MICALL1: variants seen among roughly 807,000 people sequenced by gnomAD.
The protein encoded by MICALL1 is MICAL-like protein 1.
MICALL1 carries 61 observed loss-of-function variants against 83.7 expected under a neutral mutation model. The ratio of observed to expected loss-of-function variants is 0.73; its 90% CI spans 0.59 to 0.90. The LOEUF is 0.90. Among genes scored for constraint, MICALL1 ranks in the 40% least tolerant of loss-of-function variants. The probability of loss-of-function intolerance (pLI) is 0.00; values close to 1 mark genes in which losing one functional copy is unlikely to be tolerated. For missense variants in MICALL1, 1,066 were observed against 1,152.0 expected (o/e 0.93, Z 1.08); for synonymous variants, 481 against 473.6 (o/e 1.02, Z -0.20).
chr22:37,924,825 G>T lies in MICALL1; in HGVS notation c.1082+108G>T. The T allele has an allele frequency of 1.3e-5, 14 of 1,075,556 alleles. No homozygotes were observed. The highest frequency in any genetic ancestry group is 1.9e-5 in the Non-Finnish European group (14 of 737,466). The allele number at this position is 1,075,556 out of a possible 1,614,324, so 66.6% of individuals were successfully genotyped here. ...AGGCTTCCTGTGGATGGGCAGGGCG[G>T]GGCTCAGGAGGGGAAGGAGAGCTGG... On this transcript the variant is annotated intron_variant, in intron 7 of 15. Coordinates refer to ENST00000215957, the MANE Select transcript of MICALL1 (RefSeq NM_033386.4). This position sits in a 1 kb window ranked among gnomAD's most constrained non-coding sequence, Gnocchi z 5.2.
At chr22:37,935,727 T>C (rs1261216336) in intron 13 of MICALL1, among the ~76,000 whole-genome samples, 2 of 146,904 alleles carry the variant, frequency 1.4e-5, no homozygotes, top group African/African-American at 5.1e-5. Flanking sequence ...TAAGGATATT[T>C]ACTTTTTTTT....
intron 15 of MICALL1, among the ~76,000 whole-genome samples, chr22:37,940,067 C>T (rs986640702): frequency 6.6e-6 from 1 of 151,742 alleles, no homozygotes; most frequent in Non-Finnish European, 1.5e-5. Flanking sequence ...CCAGCCTGGG[C>T]GACAGAGACT....
rs1229995361 is a variant in MICALL1 at position 37,924,109 on chromosome 22, C to A, written c.1025-551C>A. Among the ~76,000 whole-genome samples, 1 of 152,144 alleles carries A rather than the reference C, an allele frequency of 6.6e-6. No individual in the cohort carries two copies. ...CGGGGAGAGAGACTCCCAGGGTCAC[C>A]CTGCGACTTGCACCAGAACATTCTA... is the stretch of plus-strand genomic sequence containing the variant. On this transcript the variant is annotated intron_variant, in intron 6 of 15. Coordinates refer to ENST00000215957, the MANE Select transcript of MICALL1 (RefSeq NM_033386.4). This position sits in a 1 kb window ranked among gnomAD's most constrained non-coding sequence, Gnocchi z 5.2.
rs1929800891 is a variant in MICALL1 at position 37,931,798 on chromosome 22, GTCC to G, written c.1886_1888del (p.Ser629del). 1 of 1,613,984 alleles carries G rather than the reference GTCC, an allele frequency of 6.2e-7. No individual in the cohort carries two copies. ...CCTCTGTCATGTCTCCTTCCCTTTA[GTCC>G]TCCTGCAAGGAGAATCCTTTTAACC... is the stretch of plus-strand genomic sequence containing the variant. On this transcript the variant is annotated inframe_deletion and splice_region_variant, in exon 10 of 16. Transcript: ENST00000215957.
At chr22:37,917,576 T>C in intron 3 of MICALL1, 131 bp from the exon 4 acceptor site, 1 of 766,980 alleles carries the variant, frequency 1.3e-6, no homozygotes, top group South Asian at 1.6e-5. Context: ...GGGAGCCAGC[T>C]CCTGTCCCAC....
At chr22:37,915,511 C>T (rs915586926) in intron 3 of MICALL1, among the ~76,000 whole-genome samples, 2 of 152,082 alleles carry the variant, frequency 1.3e-5, no homozygotes, top group African/African-American at 4.8e-5. Flanking sequence ...GACCATGGGT[C>T]AGTTATTTAA....
intron 1 of MICALL1, chr22:37,907,443 TCTC>T (rs1338818781): frequency 6.6e-6 from 1 of 152,342 alleles, no homozygotes; most frequent in African/African-American, 2.4e-5. Context: ...CCCTGGAACC[TCTC>T]CTCCTTTCGT....
In MICALL1 at chr22:37,927,563, C is replaced by A. The variant is rs1369153809; in HGVS notation, c.1618C>A (p.Pro540Thr). 2 of 1,613,576 alleles carry A rather than the reference C, an allele frequency of 1.2e-6. No homozygotes were observed. Among genetic ancestry groups the A allele is most frequent in the African/African-American group, 2.7e-5 (2 of 74,930 alleles). ...AGCTGTGCCCAAGAGCTCCTCAGAG[C>A]CTGCTGTCCATGCCCCTGGTACCCC... ...PPAVPKSSSE[P>T]AVHAPGTPGN... Residue 540 changes from proline to threonine, a missense_variant, in exon 9 of 16, where the codon CCT becomes ACT. Physicochemically the swap from Pro to Thr is conservative, Grantham distance 38. Coordinates refer to ENST00000215957, the MANE Select transcript of MICALL1 (RefSeq NM_033386.4).
chr22:37,913,172 C>T (rs1279328847), intron 3 of MICALL1, among the ~76,000 whole-genome samples: 1 of 151,906 alleles, frequency 6.6e-6, no homozygotes, highest in Non-Finnish European at 1.5e-5. Flanking sequence ...CCATGTTGGC[C>T]AGGCTGGTCT....
At position 37,912,383 on chromosome 22, in the gene MICALL1, C is replaced by A; in HGVS notation, c.228C>A (p.Ile76=). The change falls in exon 3 of 16, where the codon ATC becomes ATA. Residue 76 remains isoleucine, a synonymous_variant. Coordinates refer to ENST00000215957, the MANE Select transcript of MICALL1 (RefSeq NM_033386.4). ...AAGTGGCTGAGAAGGAGCTGGGGAT[C>A]CCCGCTCTCCTGGACCCCAATGACA... The part of the protein sequence containing the change: ...AFEVAEKELG[I]PALLDPNDMV... The A allele has an allele frequency of 6.2e-7, 1 of 1,613,630 alleles. No individual in the cohort carries two copies. The highest frequency in any genetic ancestry group is 1.1e-5 in the South Asian group (1 of 91,048).
rs762096899 is a variant in MICALL1, at chr22:37,940,689, C to G, written c.2471-20C>G. The G allele has an allele frequency of 6.2e-7, 1 of 1,613,050 alleles. No homozygotes were observed. The highest frequency in any genetic ancestry group is 8.5e-7 in the Non-Finnish European group (1 of 1,179,284). On this transcript the variant is annotated intron_variant, in intron 15 of 15. Coordinates refer to ENST00000215957, the MANE Select transcript of MICALL1 (RefSeq NM_033386.4). ...CCCCTCTTCTCCACTTTATTAAGTG[C>G]TCCCCTCTCTGTGCTGCAGAGTTCC...
chr22:37,914,213 G>T (rs953678634), intron 3 of MICALL1, among the ~76,000 whole-genome samples: 2 of 143,098 alleles, frequency 1.4e-5, no homozygotes. Context: ...GAAGTCAGAG[G>T]TTTCTTTTCT....
chr22:37,927,377 C>G (rs1187153737), intron 8 of MICALL1, 34 bp from the exon 9 acceptor site: 1 of 1,525,534 alleles, frequency 6.6e-7, no homozygotes, highest in Admixed American at 1.9e-5. Context: ...TGTGGTGCTC[C>G]CCTTGTGAGG....
rs931057407 is a variant in MICALL1 at position 37,937,200 on chromosome 22, A to G, written c.2423+6A>G. On this transcript the variant is annotated splice_donor_region_variant and intron_variant, in intron 14 of 15. Coordinates refer to ENST00000215957, the MANE Select transcript of MICALL1 (RefSeq NM_033386.4). ...CTGGATGAGGACCGGCAGAGGTGACATGGCCAGGGGTGGGGGGTCCTGGGG... is the reference window on the plus strand; with the variant it reads ...CTGGATGAGGACCGGCAGAGGTGACGTGGCCAGGGGTGGGGGGTCCTGGGG... 29 of 1,266,804 alleles carry G rather than the reference A, an allele frequency of 2.3e-5. No individual in the cohort carries two copies. Among genetic ancestry groups the G allele is most frequent in the South Asian group, 1.3e-4 (10 of 79,590 alleles). 78.5% of individuals were successfully genotyped at this position (1,266,804 alleles called of 1,614,324 possible).
At chr22:37,908,333 C>G (rs937491863) in intron 1 of MICALL1, among the ~76,000 whole-genome samples, 1 of 151,004 alleles carries the variant, frequency 6.6e-6, no homozygotes, top group Non-Finnish European at 1.5e-5. Context: ...TGGGGTCTCA[C>G]TCTGTCACCC....
rs557362454 is a variant in MICALL1, at chr22:37,916,640, CAGTG to C, written c.338-1066_338-1063del. On this transcript the variant is annotated intron_variant, in intron 3 of 15. Transcript: ENST00000215957. ...GAGTGTTCAGCTGTGCCACCACGCTCAGTGGGTGCCAGTGACCCCGGGCACAACA... is the reference window on the plus strand; with the variant it reads ...GAGTGTTCAGCTGTGCCACCACGCTCGGTGCCAGTGACCCCGGGCACAACA... Among the ~76,000 whole-genome samples, 562 of 152,340 alleles carry C rather than the reference CAGTG, an allele frequency of 3.7e-3. 1 individual carries two copies. Among genetic ancestry groups the C allele is most frequent in the Non-Finnish European group, 5.8e-3 (393 of 68,038 alleles).
Position 37,940,846 on chromosome 22 carries a change from G to A in MICALL1, c.*16G>A. The A allele has an allele frequency of 1.9e-6, 3 of 1,613,216 alleles. No individual in the cohort carries two copies. Among genetic ancestry groups the A allele is most frequent in the South Asian group, 1.1e-5 (1 of 91,066 alleles). ...CAAGAGCTAACAGCACGAGAAGCCA[G>A]TTGGGGACTGCCCCCTCCTGGAGCA... On this transcript the variant is annotated 3_prime_UTR_variant, in exon 16 of 16. Transcript: ENST00000215957.
intron 9 of MICALL1, among the ~76,000 whole-genome samples, chr22:37,928,654 C>G (rs1929625736): frequency 6.6e-6 from 1 of 152,190 alleles, no homozygotes; most frequent in Non-Finnish European, 1.5e-5. Context: ...TATCTATCCA[C>G]CTGTCCACAA....
rs1236957184 is a variant in MICALL1, at chr22:37,933,169, G to A, written c.2308+57G>A. The A allele has an allele frequency of 3.2e-6, 5 of 1,565,310 alleles. No individual in the cohort carries two copies. The East Asian group carries it at 9.0e-5, about 28-fold the overall frequency. ...CTGCCCTGGGGCCTGGTGACACGGA[G>A]GAGTGGGGGAGCGGGCAGACAAAAC... is the stretch of plus-strand genomic sequence containing the variant. On this transcript the variant is annotated intron_variant, in intron 13 of 15. Transcript: ENST00000215957.
Sources: allele counts gnomAD v4.1 joint callset (sites outside exome capture counted in the v4.1 genomes callset), GRCh38; gene constraint gnomAD v4.1.1; non-coding constraint Gnocchi (gnomAD v3.1); transcripts MANE v1.5; gene names NCBI Gene and HGNC (gene_info 2026-07-23, HGNC 2026-07-21).